Variants in GRIK2 observed in about 807,000 individuals in gnomAD.
GRIK2 encodes the protein glutamate ionotropic receptor kainate type subunit 2.
Under a neutral mutation model 100.3 loss-of-function variants are expected in GRIK2, and 32 were observed. The observed-to-expected ratio is 0.32, with a 90% CI of 0.24 to 0.43. The LOEUF is 0.43. Among genes scored for constraint, GRIK2 ranks in the 20% least tolerant of loss-of-function variants. The pLI is 1.00. For missense variants in GRIK2, 843 were observed against 1,114.9 expected, an observed-to-expected ratio of 0.76 and a Z score of 3.47; for synonymous variants, 417 against 389.4, an observed-to-expected ratio of 1.07 and a Z score of -0.83.
At chr6:102,011,111 A>G (rs1795508287) in intron 14 of GRIK2, among the ~76,000 whole-genome samples, 1 of 152,162 alleles carries the variant, frequency 6.6e-6, no homozygotes, top group African/African-American at 2.4e-5. Flanking sequence ...GAAACTGTCA[A>G]GCTGCCTGCT....
At chr6:101,596,402 G>T (rs705632) in intron 2 of GRIK2, among the ~76,000 whole-genome samples, 15,367 of 151,262 alleles carry the variant, frequency 0.1, 1,003 homozygotes, top group African/African-American at 0.19. Flanking sequence ...TTTAACTAGG[G>T]TCTAGCATTC....
At position 102,029,965 on chromosome 6, in the gene GRIK2, C is replaced by T. The variant is rs1006919033; in HGVS notation, c.2086-5376C>T. Reference sequence around the variant, plus strand: ...AAGTTATCATAATCAGTTTAATTAACATATCCATTATCCTGTATTTTTGTG... The same window carrying T: ...AAGTTATCATAATCAGTTTAATTAATATATCCATTATCCTGTATTTTTGTG... On this transcript the variant is annotated intron_variant, in intron 14 of 16. Coordinates refer to ENST00000369134, the MANE Select transcript of GRIK2 (RefSeq NM_021956.5). Among the ~76,000 whole-genome samples the T allele has an allele frequency of 9.3e-5, 14 of 151,200 alleles. 1 individual carries two copies. The highest frequency in any genetic ancestry group is 3.4e-4 in the African/African-American group (14 of 41,304).
intron 12 of GRIK2, among the ~76,000 whole-genome samples, chr6:101,901,868 A>G (rs1787866545): frequency 6.6e-6 from 1 of 151,954 alleles, no homozygotes; most frequent in Admixed American, 6.6e-5. Flanking sequence ...AGCCTTTCAA[A>G]TTCATTTGGA....
chr6:101,893,124 G>T (rs948124550), intron 12 of GRIK2, among the ~76,000 whole-genome samples: 2 of 151,054 alleles, frequency 1.3e-5, no homozygotes, highest in Admixed American at 6.6e-5. Context: ...TTATTTTAAT[G>T]CTTCCTTTAG....
chr6:101,805,784 A>G (rs960866142), intron 9 of GRIK2, among the ~76,000 whole-genome samples: 3 of 152,162 alleles, frequency 2.0e-5, no homozygotes, highest in African/African-American at 7.2e-5. Context: ...ATTTTACATA[A>G]TGTTCGGAAA....
At chr6:101,660,219 G>A (rs1289768745) in intron 4 of GRIK2, among the ~76,000 whole-genome samples, 1 of 150,904 alleles carries the variant, frequency 6.6e-6, no homozygotes, top group Non-Finnish European at 1.5e-5. Context: ...TTTTTATTAA[G>A]TTGATCTTCA....
chr6:101,428,344 A>G lies in GRIK2; in HGVS notation c.115+28952A>G, dbSNP rs150664954. Among the ~76,000 whole-genome samples, 868 of 152,274 alleles carry G rather than the reference A, an allele frequency of 5.7e-3. 3 individuals carry two copies. Among genetic ancestry groups the G allele is most frequent in the African/African-American group, 0.02 (841 of 41,544 alleles). On this transcript the variant is annotated intron_variant, in intron 2 of 16. Transcript: ENST00000369134. ...TTCCTTATTGAAGTGAGGGAAATGC[A>G]TTTCTACTGGTTACAGATATTTTTA... is the stretch of plus-strand genomic sequence containing the variant.
rs1373206530 is a variant in GRIK2 at position 101,556,357 on chromosome 6, C to G, written c.116-65592C>G. 4.9e-3 allele frequency among the ~76,000 whole-genome samples: 133 copies of G among 27,334 alleles called. 1 individual carries two copies. The highest frequency in any genetic ancestry group is 0.1 in the Middle Eastern group (2 of 20). The allele number at this position is 27,334 out of a possible 152,430, so 17.9% of individuals were successfully genotyped here. A position where few individuals can be genotyped will look rare whatever the true frequency, so the allele number is the denominator to read the frequency against. The stretch of plus-strand genomic sequence containing the variant: ...TTTTTTTTTTTTTTTTTTTTTGAGA[C>G]CGAGTCTCGCTCTGTCGCCCAGGCT... On this transcript the variant is annotated intron_variant, in intron 2 of 16. Coordinates refer to ENST00000369134, the MANE Select transcript of GRIK2 (RefSeq NM_021956.5).
intron 7 of GRIK2, among the ~76,000 whole-genome samples, chr6:101,740,021 G>T (rs563782790): frequency 6.6e-5 from 10 of 152,196 alleles, no homozygotes; most frequent in Admixed American, 6.5e-5. Context: ...CCTGCCCTCC[G>T]CAGAATCAAC....
intron 4 of GRIK2, among the ~76,000 whole-genome samples, 191 bp downstream of exon 4, chr6:101,626,828 C>T (rs143776241): frequency 6.6e-6 from 1 of 152,138 alleles, no homozygotes; most frequent in Non-Finnish European, 1.5e-5. Flanking sequence ...ATGTTGAATA[C>T]TTCTTCTCTG....
At chr6:101,847,319 G>C (rs1379506350) in intron 10 of GRIK2, among the ~76,000 whole-genome samples, 1 of 151,778 alleles carries the variant, frequency 6.6e-6, no homozygotes. Flanking sequence ...GTACTTTCTT[G>C]TTTGTATTTT....
At chr6:101,659,161 T>A (rs1769415076) in intron 4 of GRIK2, among the ~76,000 whole-genome samples, 1 of 152,242 alleles carries the variant, frequency 6.6e-6, no homozygotes, top group Non-Finnish European at 1.5e-5. Flanking sequence ...TATGTTTAAG[T>A]CTTTAATCCA....
At chr6:102,036,467 T>G (rs181755940) in intron 15 of GRIK2, among the ~76,000 whole-genome samples, 281 of 151,404 alleles carry the variant, frequency 1.9e-3, no homozygotes, top group Non-Finnish European at 3.0e-3. Context: ...GATGGGGAGA[T>G]TTTCCTGGAT....
At position 101,919,558 on chromosome 6, in the gene GRIK2, TG is replaced by T. The variant is rs1303470782; in HGVS notation, c.1749-5041del. Among the ~76,000 whole-genome samples, 4 of 151,898 alleles carry T rather than the reference TG, an allele frequency of 2.6e-5. No homozygotes were observed. In the East Asian group the frequency reaches 7.7e-4, roughly 29 times the overall value. ...CTAGGTAGGAAGTTACAGAGATGGA[TG>T]GAAATCCATTGAGGGAGAATTTATG... On this transcript the variant is annotated intron_variant, in intron 12 of 16. Coordinates refer to ENST00000369134, the MANE Select transcript of GRIK2 (RefSeq NM_021956.5).
intron 2 of GRIK2, among the ~76,000 whole-genome samples, chr6:101,438,622 C>A (rs1379816174): frequency 6.6e-6 from 1 of 152,104 alleles, no homozygotes; most frequent in East Asian, 1.9e-4. Flanking sequence ...CGTTCTGGCA[C>A]ACTCTTTTAA....
intron 12 of GRIK2, among the ~76,000 whole-genome samples, chr6:101,914,732 G>A (rs1030284409): frequency 6.6e-6 from 1 of 151,492 alleles, no homozygotes; most frequent in Non-Finnish European, 1.5e-5. Flanking sequence ...ATGGGATTAT[G>A]AGTGTATGAT....
intron 14 of GRIK2, among the ~76,000 whole-genome samples, chr6:102,007,400 A>G (rs1160451062): frequency 2.6e-5 from 4 of 152,160 alleles, no homozygotes; most frequent in Non-Finnish European, 5.9e-5. Context: ...TGACATAAAT[A>G]TTTAAATGCA....
intron 11 of GRIK2, among the ~76,000 whole-genome samples, chr6:101,874,296 G>C (rs1476400194): frequency 6.6e-6 from 1 of 152,180 alleles, no homozygotes; most frequent in Admixed American, 6.5e-5. Context: ...AAGGGATCCA[G>C]TTTCAGCTTT....
chr6:101,523,434 G>T (rs954576335), intron 2 of GRIK2, among the ~76,000 whole-genome samples: 23 of 152,086 alleles, frequency 1.5e-4, no homozygotes, highest in Admixed American at 1.0e-3. Context: ...AGAAGTAGAA[G>T]TACAGCATAA....
Sources: gnomAD v4.1 joint callset for allele counts (sites outside exome capture counted in the v4.1 genomes callset) on GRCh38, gnomAD v4.1.1 for gene constraint, MANE v1.5 for transcripts, NCBI Gene and HGNC (gene_info 2026-07-23, HGNC 2026-07-21) for gene names.